MGAT4C: variants seen among roughly 807,000 people sequenced by gnomAD.
MGAT4C encodes the protein alpha-1,3-mannosyl-glycoprotein 4-beta-N-acetylglucosaminyltransferase C.
A neutral mutation model predicts 40.1 loss-of-function variants in MGAT4C; 19 were observed. The observed-to-expected ratio is 0.47, with a 90% confidence interval of 0.33 to 0.70. MGAT4C has a LOEUF of 0.70. MGAT4C is among the 30% of genes least tolerant of loss of function. MGAT4C has a pLI of 0.02. For synonymous variants in MGAT4C, 181 were observed against 187.1 expected (o/e 0.97, Z 0.27); for missense variants, 491 against 563.2 (o/e 0.87, Z 1.30).
intron 1 of MGAT4C, among the ~76,000 whole-genome samples, chr12:86,805,483 T>C (rs1413764673): frequency 2.0e-5 from 3 of 151,988 alleles, no homozygotes; most frequent in Non-Finnish European, 1.5e-5. Context: ...TTTCTATTTC[T>C]GCGTAAATTT....
intron 1 of MGAT4C, among the ~76,000 whole-genome samples, chr12:86,109,178 A>C (rs186872251): frequency 6.6e-6 from 1 of 152,278 alleles, no homozygotes; most frequent in Admixed American, 6.6e-5. Flanking sequence ...AAAAATTTGT[A>C]ATTAATTAGA....
chr12:85,993,020 T>C (rs780076645), intron 2 of MGAT4C, among the ~76,000 whole-genome samples: 3 of 152,204 alleles, frequency 2.0e-5, no homozygotes, highest in Non-Finnish European at 4.4e-5. Flanking sequence ...ATCTTCGTTT[T>C]AGGCAGGTCC....
At chr12:86,077,991 C>T (rs184759206) in intron 1 of MGAT4C, among the ~76,000 whole-genome samples, 78 of 152,232 alleles carry the variant, frequency 5.1e-4, no homozygotes, top group African/African-American at 1.7e-3. Flanking sequence ...CTGATGGCAG[C>T]GTTCCTCCCT....
intron 2 of MGAT4C, among the ~76,000 whole-genome samples, chr12:86,486,411 CACACACACAA>C (rs1299621463): frequency 3.3e-5 from 4 of 121,694 alleles, no homozygotes; most frequent in Non-Finnish European, 7.7e-5. Flanking sequence ...CACACACACA[CACACACACAA>C]AAGAGCATGA....
At chr12:86,696,757 T>TAG (rs879543522) in intron 2 of MGAT4C, among the ~76,000 whole-genome samples, 17 of 152,222 alleles carry the variant, frequency 1.1e-4, no homozygotes, top group Non-Finnish European at 1.8e-4. Context: ...ACACTGGTCA[T>TAG]GTGGCATTAT....
intron 1 of MGAT4C, among the ~76,000 whole-genome samples, chr12:86,730,104 C>G (rs1950884038): frequency 6.6e-6 from 1 of 151,852 alleles, no homozygotes; most frequent in Non-Finnish European, 1.5e-5. Flanking sequence ...ATCGTAGGAG[C>G]CAAATAGCCC....
chr12:86,269,013 C>CATATATATAT (rs60328579), intron 4 of MGAT4C, among the ~76,000 whole-genome samples: 3 of 74,694 alleles, frequency 4.0e-5, no homozygotes, highest in Admixed American at 1.5e-4. Flanking sequence ...TTCATACTTA[C>CATATATATAT]ATATATATAT....
chr12:85,990,684 CTT>C (rs1217738953), intron 2 of MGAT4C, among the ~76,000 whole-genome samples: 14 of 151,944 alleles, frequency 9.2e-5, no homozygotes, highest in Admixed American at 8.5e-4. Flanking sequence ...TAATATATGA[CTT>C]AATAATTATA....
intron 2 of MGAT4C, among the ~76,000 whole-genome samples, chr12:86,621,557 C>A (rs1422852821): frequency 6.6e-6 from 1 of 152,184 alleles, no homozygotes; most frequent in Non-Finnish European, 1.5e-5. Flanking sequence ...AAGCTCACTG[C>A]ATCCTTGATT....
At chr12:86,345,127 T>G (rs2136187346) in intron 3 of MGAT4C, among the ~76,000 whole-genome samples, 1 of 152,244 alleles carries the variant, frequency 6.6e-6, no homozygotes, top group Non-Finnish European at 1.5e-5. Flanking sequence ...TGTAATATAC[T>G]TCAGTTTCAG....
chr12:86,357,559 G>A (rs1016271625), intron 3 of MGAT4C, among the ~76,000 whole-genome samples: 8 of 152,016 alleles, frequency 5.3e-5, no homozygotes, highest in African/African-American at 1.9e-4. Flanking sequence ...CAAACCCATC[G>A]CAAAGAAGCT....
intron 3 of MGAT4C, among the ~76,000 whole-genome samples, chr12:86,361,970 G>A (rs1955485097): frequency 6.6e-6 from 1 of 152,200 alleles, no homozygotes; most frequent in South Asian, 2.1e-4. Context: ...ATTTGATCCA[G>A]CCATCCCATT....
At chr12:86,095,197 T>A (rs1873688521) in intron 1 of MGAT4C, among the ~76,000 whole-genome samples, 1 of 152,096 alleles carries the variant, frequency 6.6e-6, no homozygotes, top group Non-Finnish European at 1.5e-5. Flanking sequence ...AGAGACTTGA[T>A]GACTAGCGCA....
chr12:86,286,026 G>A (rs540597229), intron 4 of MGAT4C, among the ~76,000 whole-genome samples: 5 of 151,952 alleles, frequency 3.3e-5, no homozygotes, highest in African/African-American at 9.7e-5. Flanking sequence ...TAAAGTCTTT[G>A]CAAACGTTTA....
intron 3 of MGAT4C, among the ~76,000 whole-genome samples, chr12:86,432,340 T>A (rs1186865816): frequency 6.6e-6 from 1 of 152,006 alleles, no homozygotes; most frequent in Non-Finnish European, 1.5e-5. Context: ...AGCAGATACA[T>A]GGATGGTATT....
intron 2 of MGAT4C, among the ~76,000 whole-genome samples, chr12:86,046,348 C>A (rs1187697518): frequency 6.6e-6 from 1 of 152,182 alleles, no homozygotes; most frequent in Non-Finnish European, 1.5e-5. Flanking sequence ...ACTCAAGAGT[C>A]ATTTTATACT....
At chr12:86,504,689 C>T (rs1001109186) in intron 2 of MGAT4C, among the ~76,000 whole-genome samples, 1 of 151,454 alleles carries the variant, frequency 6.6e-6, no homozygotes, top group South Asian at 2.1e-4. Context: ...GGAAAACAAT[C>T]TTTTTTTTTA....
At chr12:86,372,767 A>G (rs979248528) in intron 3 of MGAT4C, among the ~76,000 whole-genome samples, 3 of 151,768 alleles carry the variant, frequency 2.0e-5, no homozygotes, top group Non-Finnish European at 4.4e-5. Context: ...ATCAGCTACA[A>G]TTTCTTAGTA....
chr12:86,719,454 C>A (rs1361817525), intron 2 of MGAT4C, among the ~76,000 whole-genome samples: 1 of 152,268 alleles, frequency 6.6e-6, no homozygotes, highest in Non-Finnish European at 1.5e-5. Flanking sequence ...AGAACTGATA[C>A]AATTCCATTC....
Sources: gnomAD v4.1 joint callset for allele counts (sites outside exome capture counted in the v4.1 genomes callset) on GRCh38, gnomAD v4.1.1 for gene constraint, MANE v1.5 for transcripts, NCBI Gene and HGNC (gene_info 2026-07-23, HGNC 2026-07-21) for gene names.